Variants in SOX6 observed in about 807,000 individuals in gnomAD.
The protein encoded by SOX6 is transcription factor SOX-6.
In SOX6, 11 loss-of-function variants were observed where a neutral mutation model predicts 97.8. The ratio of observed to expected loss-of-function variants is 0.11; its 90% CI spans 0.07 to 0.19. The LOEUF (loss-of-function observed/expected upper bound fraction) is 0.19. SOX6 is among the 10% of genes least tolerant of loss of function. SOX6 has a pLI of 1.00. For synonymous variants in SOX6, 360 were observed against 371.4 expected (o/e 0.97, Z 0.35); for missense variants, 810 against 1,039.5 (o/e 0.78, Z 3.04).
chr11:16,535,831 T>C (rs1353030553), intron 4 of SOX6, among the ~76,000 whole-genome samples: 1 of 152,220 alleles, frequency 6.6e-6, no homozygotes, highest in Non-Finnish European at 1.5e-5. Flanking sequence ...TCAGGAAGTC[T>C]ATCAGAAGCT....
At chr11:16,047,949 C>A (rs1415855876) in intron 11 of SOX6, among the ~76,000 whole-genome samples, 1 of 152,056 alleles carries the variant, frequency 6.6e-6, no homozygotes, top group Admixed American at 6.6e-5. Flanking sequence ...ACATCTCTAT[C>A]CAATATCACC....
chr11:16,549,706 TG>T (rs1377629566), intron 4 of SOX6, among the ~76,000 whole-genome samples: 1 of 152,090 alleles, frequency 6.6e-6, no homozygotes, highest in African/African-American at 2.4e-5. Context: ...GACCATCAAC[TG>T]GTGATAAAAA....
At chr11:16,527,458 A>G (rs1861183732) in intron 4 of SOX6, among the ~76,000 whole-genome samples, 1 of 152,084 alleles carries the variant, frequency 6.6e-6, no homozygotes, top group Admixed American at 6.6e-5. Flanking sequence ...TAAGTGCTGA[A>G]GAGGGAAGGA....
chr11:16,448,617 A>G (rs541371087), intron 1 of SOX6, among the ~76,000 whole-genome samples: 1 of 152,336 alleles, frequency 6.6e-6, no homozygotes, highest in East Asian at 1.9e-4. Context: ...ATGTAATTAA[A>G]CAGTAATTAC....
chr11:15,993,784 T>G (rs1406525503), intron 13 of SOX6, among the ~76,000 whole-genome samples: 1 of 152,156 alleles, frequency 6.6e-6, no homozygotes, highest in Admixed American at 6.5e-5. Flanking sequence ...AATCTGTGAT[T>G]TGAATGATTT....
Position 16,014,959 on chromosome 11 carries a change from C to T in SOX6, c.1715G>A (p.Arg572Gln), listed in dbSNP as rs374132752. 1.2e-5 allele frequency: 20 copies of T among 1,612,690 alleles called. No homozygotes were observed. Among genetic ancestry groups the T allele is most frequent in the South Asian group, 2.2e-5 (2 of 91,070 alleles). ...KLGPGVIDLT[R>Q]PEDAEGSKAM... ...CCACTCACCCTCTGCATCTTCTGGC[C>T]GAGTAAGGTCGATGACACCTGGGCC... The change falls in exon 13 of 16, where the codon CGG (arginine) becomes CAG (glutamine). Residue 572 changes from arginine to glutamine, a missense_variant. This residue lies in a region of SOX6 where 120 missense variants were observed against 127.0 expected (regional missense o/e 0.94). Transcript: ENST00000683767.
At chr11:16,119,544 G>C (rs1220172699) in intron 6 of SOX6, among the ~76,000 whole-genome samples, 1 of 152,132 alleles carries the variant, frequency 6.6e-6, no homozygotes, top group African/African-American at 2.4e-5. Flanking sequence ...CAAGTAAGTT[G>C]ACTGTCCCAA....
At chr11:16,514,636 G>A (rs1486380588) in intron 4 of SOX6, among the ~76,000 whole-genome samples, 2 of 151,188 alleles carry the variant, frequency 1.3e-5, no homozygotes, top group African/African-American at 2.4e-5. Context: ...ACACTGGTGC[G>A]CTGCACCCAC....
At chr11:16,526,566 T>A (rs893436029) in intron 4 of SOX6, among the ~76,000 whole-genome samples, 4 of 152,040 alleles carry the variant, frequency 2.6e-5, no homozygotes, top group Non-Finnish European at 5.9e-5. Context: ...CACACCAGCA[T>A]GGCACATGTA....
chr11:16,538,435 A>G (rs942659043), intron 4 of SOX6, among the ~76,000 whole-genome samples: 1 of 152,252 alleles, frequency 6.6e-6, no homozygotes, highest in Non-Finnish European at 1.5e-5. Flanking sequence ...CAAAATAACC[A>G]GCTAACATCA....
intron 4 of SOX6, among the ~76,000 whole-genome samples, chr11:16,578,743 G>C (rs1280449487): frequency 1.3e-5 from 2 of 152,118 alleles, no homozygotes; most frequent in South Asian, 2.1e-4. Flanking sequence ...AAATATTAGA[G>C]ATATGAAGAT....
chr11:16,149,574 C>T (rs1217053375), intron 6 of SOX6, among the ~76,000 whole-genome samples: 1 of 152,080 alleles, frequency 6.6e-6, no homozygotes, highest in African/African-American at 2.4e-5. Flanking sequence ...CGTCCAGCAA[C>T]CACAGACTTC....
At chr11:16,517,083 G>T (rs1216945372) in intron 4 of SOX6, among the ~76,000 whole-genome samples, 1 of 150,134 alleles carries the variant, frequency 6.7e-6, no homozygotes, top group African/African-American at 2.5e-5. Context: ...AAAACCACAT[G>T]ATTATCTCAA....
chr11:16,456,884 T>C (rs1859819625), intron 1 of SOX6, among the ~76,000 whole-genome samples: 1 of 152,086 alleles, frequency 6.6e-6, no homozygotes, highest in South Asian at 2.1e-4. Flanking sequence ...ATTAGTTTTG[T>C]GGGTAAGTGC....
chr11:16,399,983 C>T (rs1343346644), intron 1 of SOX6, among the ~76,000 whole-genome samples: 2 of 151,314 alleles, frequency 1.3e-5, no homozygotes, highest in Non-Finnish European at 3.0e-5. Flanking sequence ...GGATTCTTAA[C>T]TTAAAAAAAG....
chr11:16,409,807 G>A (rs1445485928), intron 1 of SOX6, among the ~76,000 whole-genome samples: 2 of 133,182 alleles, frequency 1.5e-5, no homozygotes, highest in Non-Finnish European at 1.6e-5. Context: ...ATCACAGACA[G>A]AAACAATGTC....
At chr11:16,309,062 G>GCA (rs139720990) in intron 3 of SOX6, among the ~76,000 whole-genome samples, 8 of 151,914 alleles carry the variant, frequency 5.3e-5, no homozygotes, top group South Asian at 4.2e-4. Context: ...GCACGTGCGT[G>GCA]CACACACACA....
intron 1 of SOX6, among the ~76,000 whole-genome samples, chr11:16,387,359 A>C (rs1858020547): frequency 6.6e-6 from 1 of 152,158 alleles, no homozygotes; most frequent in South Asian, 2.1e-4. Flanking sequence ...GGTGACTGCA[A>C]AGCAAAATCA....
chr11:16,532,045 A>G (rs148850863), intron 4 of SOX6, among the ~76,000 whole-genome samples: 200 of 151,964 alleles, frequency 1.3e-3, no homozygotes, highest in African/African-American at 4.5e-3. Context: ...ATAATCTCCA[A>G]TTGGGCAAGT....
Sources: gnomAD v4.1 joint callset for allele counts (sites outside exome capture counted in the v4.1 genomes callset) on GRCh38, gnomAD v4.1.1 for gene constraint, gnomAD v4.1.1 regional missense constraint, MANE v1.5 for transcripts, NCBI Gene and HGNC (gene_info 2026-07-23, HGNC 2026-07-21) for gene names.